Variants in RARB observed in about 807,000 individuals in gnomAD.
RARB encodes retinoic acid receptor beta, also known as HBV-activated protein.
In RARB, 17 loss-of-function variants were observed where a neutral mutation model predicts 51.9. The ratio of observed to expected loss-of-function variants is 0.33; its 90% CI spans 0.22 to 0.49. The LOEUF (loss-of-function observed/expected upper bound fraction) is 0.49. Among genes scored for constraint, RARB ranks in the 20% least tolerant of loss-of-function variants. The pLI is 0.99. For synonymous variants in RARB, 215 were observed against 195.4 expected, an observed-to-expected ratio of 1.10 and a Z score of -0.84; for missense variants, 369 against 550.8, an observed-to-expected ratio of 0.67 and a Z score of 3.30.
At chr3:25,581,247 C>G (rs937136553) in intron 5 of RARB, among the ~76,000 whole-genome samples, 1 of 152,194 alleles carries the variant, frequency 6.6e-6, no homozygotes, top group African/African-American at 2.4e-5. Context: ...ATACCCAAAG[C>G]TATGAGAGAC....
chr3:25,560,160 A>T (rs1190606701), intron 3 of RARB, among the ~76,000 whole-genome samples: 1 of 152,218 alleles, frequency 6.6e-6, no homozygotes, highest in African/African-American at 2.4e-5. Flanking sequence ...ATATGTGGTG[A>T]TTCTGAAGAT....
intron 3 of RARB, among the ~76,000 whole-genome samples, chr3:25,082,440 T>C (rs1699026528): frequency 6.6e-6 from 1 of 152,058 alleles, no homozygotes; most frequent in Non-Finnish European, 1.5e-5. Flanking sequence ...CCCCTTTATA[T>C]TTTTGCACTT....
intron 5 of RARB, among the ~76,000 whole-genome samples, chr3:25,409,788 C>T (rs1338368126): frequency 6.6e-6 from 1 of 152,192 alleles, no homozygotes; most frequent in African/African-American, 2.4e-5. Context: ...CAAAATTTTA[C>T]CGCACATGTC....
At chr3:24,974,504 A>G (rs561152684) in intron 2 of RARB, among the ~76,000 whole-genome samples, 2 of 152,270 alleles carry the variant, frequency 1.3e-5, no homozygotes, top group South Asian at 2.1e-4. Context: ...GTTAAAATAC[A>G]TGATCCAACT....
intron 2 of RARB, among the ~76,000 whole-genome samples, chr3:24,991,447 A>AAAAAAC (rs1006147328): frequency 5.9e-5 from 9 of 151,526 alleles, no homozygotes; most frequent in African/African-American, 2.2e-4. Flanking sequence ...CTGTCTCAAA[A>AAAAAAC]AAAAAAGAAA....
chr3:24,862,374 A>C (rs765782633), intron 2 of RARB, among the ~76,000 whole-genome samples: 8 of 152,184 alleles, frequency 5.3e-5, no homozygotes, highest in Non-Finnish European at 1.0e-4. Flanking sequence ...AGTTTCCAAG[A>C]TTACCTGGTG....
At chr3:25,470,057 C>A (rs1236912980) in intron 2 of RARB, among the ~76,000 whole-genome samples, 1 of 152,164 alleles carries the variant, frequency 6.6e-6, no homozygotes, top group Non-Finnish European at 1.5e-5. Flanking sequence ...GCACAGCGTG[C>A]CATCATTTCA....
At chr3:24,875,344 G>T (rs988232040) in intron 2 of RARB, among the ~76,000 whole-genome samples, 2 of 152,102 alleles carry the variant, frequency 1.3e-5, no homozygotes, top group African/African-American at 4.8e-5. Flanking sequence ...ATCTGATGTG[G>T]TCTGTACAGT....
At chr3:25,450,955 G>A (rs761816657) in intron 1 of RARB, among the ~76,000 whole-genome samples, 6 of 152,084 alleles carry the variant, frequency 3.9e-5, no homozygotes, top group Admixed American at 6.6e-5. Flanking sequence ...GCGTGGTGGC[G>A]CACATTTATT....
intron 2 of RARB, among the ~76,000 whole-genome samples, chr3:25,009,295 T>C (rs1697344523): frequency 6.6e-6 from 1 of 152,158 alleles, no homozygotes; most frequent in African/African-American, 2.4e-5. Context: ...TATAATTTTG[T>C]GACTTAGTTA....
intron 2 of RARB, among the ~76,000 whole-genome samples, chr3:24,913,050 G>T (rs987220042): frequency 7.6e-6 from 1 of 131,004 alleles, no homozygotes; most frequent in Non-Finnish European, 1.5e-5. Context: ...GCGCCTTCTC[G>T]GCTCACTGCA....
At chr3:25,473,127 A>G (rs1280250062) in intron 2 of RARB, among the ~76,000 whole-genome samples, 1 of 152,058 alleles carries the variant, frequency 6.6e-6, no homozygotes, top group Non-Finnish European at 1.5e-5. Flanking sequence ...ACTATCTCCT[A>G]CCATAATAGT....
intron 2 of RARB, among the ~76,000 whole-genome samples, chr3:24,901,522 A>G (rs1703605144): frequency 6.6e-6 from 1 of 152,222 alleles, no homozygotes; most frequent in Non-Finnish European, 1.5e-5. Flanking sequence ...ACTACAGACA[A>G]GTGCCACTGG....
chr3:25,530,207 G>A (rs74757824), intron 3 of RARB, among the ~76,000 whole-genome samples: 3,102 of 152,282 alleles, frequency 0.02, 101 homozygotes, highest in African/African-American at 0.071. Context: ...AAGTTTTGTT[G>A]AGATATGCAG....
At chr3:24,980,960 C>T (rs1315442249) in intron 2 of RARB, among the ~76,000 whole-genome samples, 3 of 152,112 alleles carry the variant, frequency 2.0e-5, no homozygotes, top group African/African-American at 7.2e-5. Context: ...GTGTGGATGT[C>T]CTTTTTGTTG....
At chr3:24,911,841 T>C (rs1324882104) in intron 2 of RARB, among the ~76,000 whole-genome samples, 1 of 152,222 alleles carries the variant, frequency 6.6e-6, no homozygotes, top group African/African-American at 2.4e-5. Context: ...GTGTGTTTTT[T>C]CTAGGAAGAA....
At chr3:25,163,649 C>T (rs1426156644) in intron 4 of RARB, among the ~76,000 whole-genome samples, 2 of 151,760 alleles carry the variant, frequency 1.3e-5, no homozygotes, top group Non-Finnish European at 2.9e-5. Context: ...TTGCATGGCC[C>T]TTGGTGGTCA....
chr3:24,915,945 A>G (rs571622699), intron 2 of RARB, among the ~76,000 whole-genome samples: 23 of 152,172 alleles, frequency 1.5e-4, no homozygotes, highest in Non-Finnish European at 2.8e-4. Flanking sequence ...GCAAGTTCAC[A>G]GGAGTCAGGG....
chr3:25,333,450 G>T (rs887487436), intron 5 of RARB, among the ~76,000 whole-genome samples: 1 of 152,056 alleles, frequency 6.6e-6, no homozygotes, highest in Admixed American at 6.6e-5. Context: ...TTAATAAATG[G>T]TGCTGGGAAA....
Sources: allele counts gnomAD v4.1 joint callset (sites outside exome capture counted in the v4.1 genomes callset), GRCh38; gene constraint gnomAD v4.1.1; transcripts MANE v1.5; gene names NCBI Gene and HGNC (gene_info 2026-07-23, HGNC 2026-07-21).